The following LTBP2 variants were observed in gnomAD, a reference collection of about 807,000 sequenced individuals.
LTBP2 encodes the protein latent-transforming growth factor beta-binding protein 2.
In LTBP2, 103 loss-of-function variants were observed where a neutral mutation model predicts 210.6. The ratio of observed to expected loss-of-function variants is 0.49; its 90% CI spans 0.42 to 0.58. The LOEUF (loss-of-function observed/expected upper bound fraction) is 0.58, where lower values mean the gene tolerates loss of function less well. Ranked by LOEUF, LTBP2 falls within the 20% of genes least tolerant of loss-of-function variation. The pLI, the probability that LTBP2 is intolerant of heterozygous loss-of-function variation, is 0.00. For missense variants in LTBP2, 2,313 were observed against 2,494.5 expected, an observed-to-expected ratio of 0.93 and a Z score of 1.55; for synonymous variants, 1,007 against 1,015.0, an observed-to-expected ratio of 0.99 and a Z score of 0.15.
intron 3 of LTBP2, among the ~76,000 whole-genome samples, chr14:74,556,339 T>C (rs566242401): frequency 6.6e-6 from 1 of 152,376 alleles, no homozygotes; most frequent in African/African-American, 2.4e-5. Context: ...TACACTATTG[T>C]CATCACCTAG....
chr14:74,576,522 C>T (rs577942096), intron 3 of LTBP2, among the ~76,000 whole-genome samples: 4 of 152,192 alleles, frequency 2.6e-5, no homozygotes, highest in African/African-American at 9.6e-5. Flanking sequence ...GAGGAAAGGA[C>T]TCTCAAGTTG....
At chr14:74,601,235 G>C (rs568710602) in intron 2 of LTBP2, among the ~76,000 whole-genome samples, 1 of 152,116 alleles carries the variant, frequency 6.6e-6, no homozygotes, top group African/African-American at 2.4e-5. Context: ...GCCTCTCTGA[G>C]GCTCACTTTC....
chr14:74,532,113 G>A (rs745420003), intron 10 of LTBP2, among the ~76,000 whole-genome samples: 1 of 151,900 alleles, frequency 6.6e-6, no homozygotes, highest in Non-Finnish European at 1.5e-5. Flanking sequence ...CAAAGAAAAC[G>A]AGGCTACACA....
intron 8 of LTBP2, among the ~76,000 whole-genome samples, chr14:74,547,293 C>T (rs535991351): frequency 3.3e-5 from 5 of 152,314 alleles, no homozygotes; most frequent in South Asian, 4.1e-4. Context: ...GGGCCCTGAT[C>T]GCTGACACCC....
In LTBP2 at chr14:74,586,269, C is replaced by G; in HGVS notation, c.566-151G>C. ...CTCCTGGCCTCAGGGGGCTCCCTGA[C>G]CCATGTCTCTCCCACCTCCATCCAC... On this transcript the variant is annotated intron_variant, in intron 2 of 35. Transcript: ENST00000261978. The surrounding 1 kb of genome is among the most constrained non-coding windows in gnomAD (Gnocchi z 4.6). 2.5e-6 allele frequency: 2 copies of G among 815,914 alleles called. No individual in the cohort carries two copies. The highest frequency in any genetic ancestry group is 1.9e-6 in the Non-Finnish European group (1 of 524,256). The allele number at this position is 815,914 out of a possible 1,614,324, so 50.5% of individuals were successfully genotyped here.
chr14:74,532,403 A>C (rs1404338785), intron 10 of LTBP2, 23 bp downstream of exon 10: 2 of 1,612,420 alleles, frequency 1.2e-6, no homozygotes, highest in African/African-American at 1.3e-5. Context: ...GTCCACCCCC[A>C]CCCCATCCCT....
At chr14:74,537,353 T>C (rs2087434877) in intron 8 of LTBP2, among the ~76,000 whole-genome samples, 1 of 152,202 alleles carries the variant, frequency 6.6e-6, no homozygotes, top group Non-Finnish European at 1.5e-5. Context: ...AACTCAGCTA[T>C]AAGTCTGACA....
In LTBP2 at chr14:74,500,106, C is replaced by T; in HGVS notation, c.*778G>A. The T allele has an allele frequency of 4.3e-6, 1 of 233,476 alleles. No individual in the cohort carries two copies. The highest frequency in any genetic ancestry group is 8.5e-6 in the Non-Finnish European group (1 of 118,302). The allele number at this position is 233,476 out of a possible 1,614,324, so 14.5% of individuals were successfully genotyped here. A position where few individuals can be genotyped will look rare whatever the true frequency, so the allele number is the denominator to read the frequency against. The stretch of plus-strand genomic sequence containing the variant: ...TGCTGCTGGTGCCCACAGGCTATCA[C>T]TGGGCGGATTCAGCTACTGAATATT... On this transcript the variant is annotated 3_prime_UTR_variant, in exon 36 of 36. Transcript: ENST00000261978.
At chr14:74,516,466 A>G (rs754819787) in intron 18 of LTBP2, among the ~76,000 whole-genome samples, 2 of 151,602 alleles carry the variant, frequency 1.3e-5, no homozygotes, top group African/African-American at 4.9e-5. Flanking sequence ...ACAATCTAAC[A>G]AGCTTAATAA....
chr14:74,571,725 T>C (rs1162008762), intron 3 of LTBP2, among the ~76,000 whole-genome samples: 1 of 152,164 alleles, frequency 6.6e-6, no homozygotes. Context: ...AGATGCAGAC[T>C]CCCTCAAGTG....
chr14:74,540,795 T>TTG lies in LTBP2; in HGVS notation c.1790-4796_1790-4795insCA, dbSNP rs1555350175. On this transcript the variant is annotated intron_variant, in intron 8 of 35. Coordinates refer to ENST00000261978, the MANE Select transcript of LTBP2 (RefSeq NM_000428.3). ...ATATATATATATATTATATATATAT[T>TTG]TATATATATATATAATATATATATA... Among the ~76,000 whole-genome samples the TTG allele has an allele frequency of 2.0e-3, 37 of 18,416 alleles. 2 individuals carry two copies. Among genetic ancestry groups the TTG allele is most frequent in the Non-Finnish European group, 0.015 (17 of 1,172 alleles). 12.1% of individuals were successfully genotyped at this position (18,416 alleles called of 152,430 possible). A position where few individuals can be genotyped will look rare whatever the true frequency, so the allele number is the denominator to read the frequency against.
intron 1 of LTBP2, among the ~76,000 whole-genome samples, chr14:74,607,914 GTTT>G (rs1403931240): frequency 1.4e-5 from 2 of 139,882 alleles, no homozygotes; most frequent in Non-Finnish European, 1.6e-5. Context: ...ACTAGACTAT[GTTT>G]TTTTTTTTTT....
intron 2 of LTBP2, among the ~76,000 whole-genome samples, chr14:74,601,827 T>G (rs371211353): frequency 6.6e-6 from 1 of 151,982 alleles, no homozygotes; most frequent in Non-Finnish European, 1.5e-5. Context: ...CATCATACGT[T>G]TTTTCACACA....
chr14:74,569,088 T>C (rs967826582), intron 3 of LTBP2, among the ~76,000 whole-genome samples: 5 of 150,656 alleles, frequency 3.3e-5, no homozygotes, highest in African/African-American at 4.9e-5. Context: ...AACCGCTGGA[T>C]GTGAGCTCTT....
chr14:74,536,770 C>T (rs181528915), intron 8 of LTBP2, among the ~76,000 whole-genome samples: 1 of 152,326 alleles, frequency 6.6e-6, no homozygotes, highest in African/African-American at 2.4e-5. Context: ...CGCTTGAACC[C>T]AGGAGGGGGA....
chr14:74,516,831 G>A lies in LTBP2; in HGVS notation c.2899C>T (p.His967Tyr), dbSNP rs2139704297. ...DQGYIMVRKG[H>Y]CQDINECRHP... ...CCTTCCCGTTCCTTACCTTGGCAGT[G>A]TCCTTTCCTGACCATGATGTAGCCC... The change falls in exon 18 of 36, where the codon CAC (histidine) becomes TAC (tyrosine). Residue 967 changes from histidine (H) to tyrosine (Y), a missense_variant. This residue lies in a region of LTBP2 where 1,867 missense variants were observed against 1,976.9 expected (regional missense o/e 0.94). Transcript: ENST00000261978. 3.2e-6 allele frequency: 5 copies of A among 1,551,820 alleles called. No individual in the cohort carries two copies. The highest frequency in any genetic ancestry group is 1.2e-5 in the South Asian group (1 of 84,066).
At position 74,509,053 on chromosome 14, in the gene LTBP2, G is replaced by C. The variant is rs902530747; in HGVS notation, c.3404-101C>G. The C allele has an allele frequency of 3.2e-6, 5 of 1,583,372 alleles. No homozygotes were observed. In the African/African-American group the frequency reaches 6.7e-5, roughly 21 times the overall value. On this transcript the variant is annotated intron_variant, in intron 22 of 35. Transcript: ENST00000261978. ...AGAGGACCTGTCACCTGCCTGCAGAGCTGGACCCACGGGGGATCATCCCCT... is the reference window on the plus strand; with the variant it reads ...AGAGGACCTGTCACCTGCCTGCAGACCTGGACCCACGGGGGATCATCCCCT...
Position 74,503,521 on chromosome 14 carries a change from CG to C in LTBP2, c.4667del (p.Pro1556ArgfsTer12). ...GCTGCTGGCTGAGGTCCAGGGTGAGCGGGGGGCTGCAGAAGCAGTGGAAGGA... is the reference window on the plus strand; with the variant it reads ...GCTGCTGGCTGAGGTCCAGGGTGAGCGGGGGCTGCAGAAGCAGTGGAAGGA... ...EGSFHCFCSP[P>X]LTLDLSQQRC... On this transcript the variant is annotated frameshift_variant, in exon 32 of 36. Transcript: ENST00000261978. LOFTEE classifies it high-confidence loss of function. 2 of 1,613,118 alleles carry C rather than the reference CG, an allele frequency of 1.2e-6. No homozygotes were observed. Among genetic ancestry groups the C allele is most frequent in the Non-Finnish European group, 8.5e-7 (1 of 1,179,750 alleles).
intron 18 of LTBP2, among the ~76,000 whole-genome samples, chr14:74,514,787 G>T (rs2087114472): frequency 6.6e-6 from 1 of 152,220 alleles, no homozygotes; most frequent in Non-Finnish European, 1.5e-5. Flanking sequence ...AGTGGTTTCT[G>T]AGTTGGAGAA....
Sources: gnomAD v4.1 joint callset for allele counts (sites outside exome capture counted in the v4.1 genomes callset) on GRCh38, gnomAD v4.1.1 for gene constraint, gnomAD v4.1.1 regional missense constraint, Gnocchi (gnomAD v3.1) non-coding constraint, MANE v1.5 for transcripts, NCBI Gene and HGNC (gene_info 2026-07-23, HGNC 2026-07-21) for gene names.